The following GPR137 variants were observed in gnomAD, a reference collection of about 807,000 sequenced individuals.
GPR137 encodes the protein integral membrane protein GPR137.
A neutral mutation model predicts 38.9 loss-of-function variants in GPR137; 20 were observed. That is an observed-to-expected ratio of 0.51 (90% CI 0.36 to 0.75). GPR137 has a LOEUF of 0.75. Among genes scored for constraint, GPR137 ranks in the 30% least tolerant of loss-of-function variants. GPR137 has a pLI of 0.00. For missense variants in GPR137, 456 were observed against 526.4 expected (o/e 0.87, Z 1.31); for synonymous variants, 226 against 235.8 (o/e 0.96, Z 0.38).
At chr11:64,284,215 G>C (rs752030848), upstream of GPR137, 3 of 1,604,390 alleles carry the variant, frequency 1.9e-6, no homozygotes, top group South Asian at 2.2e-5. Flanking sequence ...GGCTGCTCCT[G>C]CTGGTGACTG....
At chr11:64,276,021 A>G (rs958686881) in intron 1 of GPR137, among the ~76,000 whole-genome samples, 7 of 152,050 alleles carry the variant, frequency 4.6e-5, no homozygotes, top group African/African-American at 7.2e-5. Flanking sequence ...AACCCAACCA[A>G]TGTGGCTTCA....
chr11:64,282,073 A>ATGCTTTTG (rs2033515488), upstream of GPR137, among the ~76,000 whole-genome samples: 1 of 152,056 alleles, frequency 6.6e-6, no homozygotes, highest in South Asian at 2.1e-4. Context: ...GCATGATAGG[A>ATGCTTTTG]TGCTTTTGTG....
chr11:64,284,644 T>C (rs1485063599), upstream of GPR137: 4 of 1,530,926 alleles, frequency 2.6e-6, no homozygotes, highest in South Asian at 3.6e-5. Context: ...AAGCCCGATC[T>C]CGAGGCCCCT....
At chr11:64,270,609 T>C (rs1401714033) in exon 1 of GPR137, 4 of 671,110 alleles carry the variant, frequency 6.0e-6, no homozygotes, top group Non-Finnish European at 1.1e-5. Flanking sequence ...GCTGGAGACC[T>C]AGCACCCAGA....
upstream of GPR137, chr11:64,284,630 C>A: frequency 6.5e-7 from 1 of 1,527,352 alleles, no homozygotes; most frequent in Non-Finnish European, 8.8e-7. Context: ...ACAGGTCTCA[C>A]CCCAAGCCCG....
upstream of GPR137, among the ~76,000 whole-genome samples, chr11:64,281,215 C>T (rs2033446881): frequency 7.9e-5 from 12 of 152,200 alleles, no homozygotes; most frequent in South Asian, 2.5e-3. Context: ...ATCTGCCCAC[C>T]TCGAACTACC....
rs183535218 is a variant in GPR137, at chr11:64,276,503, T to A, written c.-16+82T>A. 50 of 158,326 alleles carry A rather than the reference T, an allele frequency of 3.2e-4. 1 individual carries two copies. Among genetic ancestry groups the A allele is most frequent in the Admixed American group, 2.5e-3 (40 of 15,972 alleles). 9.8% of individuals were successfully genotyped at this position (158,326 alleles called of 1,614,324 possible). ...CACCATGCCCAGCTAATTTTTGTAT[T>A]TTTAGTAGAGACGGGGTTTCACCAT... On this transcript the variant is annotated intron_variant, in intron 2 of 2. Coordinates refer to the GPR137 transcript ENST00000538244.
chr11:64,281,217 C>T (rs545112206), upstream of GPR137, among the ~76,000 whole-genome samples: 28 of 152,320 alleles, frequency 1.8e-4, no homozygotes, highest in African/African-American at 4.3e-4. Context: ...CTGCCCACCT[C>T]GAACTACCAA....
chr11:64,284,822 T>C, upstream of GPR137: 1 of 1,519,196 alleles, frequency 6.6e-7, no homozygotes, highest in Non-Finnish European at 8.8e-7. Flanking sequence ...GATCCAAGGC[T>C]CCTCGTCCGC....
chr11:64,275,587 G>A (rs1342634095), upstream of GPR137: 5 of 152,154 alleles, frequency 3.3e-5, no homozygotes, highest in Non-Finnish European at 5.9e-5. Flanking sequence ...TCTCCCTGTT[G>A]TACAGATGAG....
At chr11:64,274,790 C>T (rs2032928066), upstream of GPR137, among the ~76,000 whole-genome samples, 1 of 151,706 alleles carries the variant, frequency 6.6e-6, no homozygotes, top group African/African-American at 2.4e-5. Flanking sequence ...CACTGCACTC[C>T]AGCCTGGGTG....
At chr11:64,285,278 C>G, upstream of GPR137, 1 of 985,936 alleles carries the variant, frequency 1.0e-6, no homozygotes, top group Middle Eastern at 5.2e-4. Flanking sequence ...GAACCTCCTC[C>G]CTGGCTGGGA....
rs144777699 is a variant in GPR137, at chr11:64,289,350, T to C, written c.*154T>C. On this transcript the variant is annotated 3_prime_UTR_variant, in exon 7 of 7. Coordinates refer to ENST00000438980, the MANE Select transcript of GPR137 (RefSeq NM_001170880.2). ...CTTGCTGCTCCTGTCATAGTGAGCTTGTGCCGTCCCCCTAGGATGGGGGGC... is the reference window on the plus strand; with the variant it reads ...CTTGCTGCTCCTGTCATAGTGAGCTCGTGCCGTCCCCCTAGGATGGGGGGC... 5 of 1,594,224 alleles carry C rather than the reference T, an allele frequency of 3.1e-6. No individual in the cohort carries two copies. The highest frequency in any genetic ancestry group is 4.3e-6 in the Non-Finnish European group (5 of 1,169,302).
rs2034264495 is a variant in GPR137 at position 64,287,716 on chromosome 11, T to C, written c.408-5T>C. 1.9e-6 allele frequency: 3 copies of C among 1,603,306 alleles called. No homozygotes were observed. The highest frequency in any genetic ancestry group is 2.5e-6 in the Non-Finnish European group (3 of 1,179,866). On this transcript the variant is annotated splice_region_variant and splice_polypyrimidine_tract_variant and intron_variant, in intron 2 of 6. Coordinates refer to ENST00000438980, the MANE Select transcript of GPR137 (RefSeq NM_001170880.2). ...GGGCCCGCGCTGACTGTGCTGTGGC[T>C]GCAGGCTCGCTGTCCGAGGGGCCTT...
upstream of GPR137, chr11:64,271,636 C>A: frequency 6.7e-7 from 1 of 1,501,972 alleles, no homozygotes; most frequent in Non-Finnish European, 8.9e-7. Context: ...ACAAACTCGT[C>A]ACTCATCCTC....
Position 64,289,250 on chromosome 11 carries a change from C to T in GPR137, c.*54C>T, listed in dbSNP as rs2034514905. 2 of 1,613,160 alleles carry T rather than the reference C, an allele frequency of 1.2e-6. No individual in the cohort carries two copies. The highest frequency in any genetic ancestry group is 8.5e-7 in the Non-Finnish European group (1 of 1,179,554). On this transcript the variant is annotated 3_prime_UTR_variant, in exon 7 of 7. Transcript: ENST00000438980. ...GGCCCCAGTCCCCCTCACCCTAGGC[C>T]CCTGTGCCAAGTTTGTCTGCCGCTT... is the stretch of plus-strand genomic sequence containing the variant.
upstream of GPR137, among the ~76,000 whole-genome samples, chr11:64,283,431 T>C (rs2033617455): frequency 6.6e-6 from 1 of 152,230 alleles, no homozygotes; most frequent in African/African-American, 2.4e-5. Flanking sequence ...TAGAGCCTAC[T>C]GAGAAATGGA....
upstream of GPR137, chr11:64,284,790 G>T (rs1337105732): frequency 6.5e-6 from 10 of 1,528,080 alleles, no homozygotes; most frequent in Non-Finnish European, 8.7e-6. Flanking sequence ...GGTCAACCCG[G>T]CCCGGCCCCG....
chr11:64,288,034 C>T lies in GPR137; in HGVS notation c.634-31C>T. 2.5e-6 allele frequency: 4 copies of T among 1,606,622 alleles called. No homozygotes were observed. The highest frequency in any genetic ancestry group is 3.4e-6 in the Non-Finnish European group (4 of 1,179,930). On this transcript the variant is annotated intron_variant, in intron 3 of 6. Coordinates refer to ENST00000438980, the MANE Select transcript of GPR137 (RefSeq NM_001170880.2). The surrounding 1 kb of genome is among the most constrained non-coding windows in gnomAD (Gnocchi z 5.5). Reference sequence around the variant, plus strand: ...TAGAGGAAGCTGGGAGCCTTCTCTCCCTGAGGGTCCTCTGTTGTTACCTGT... The same window carrying T: ...TAGAGGAAGCTGGGAGCCTTCTCTCTCTGAGGGTCCTCTGTTGTTACCTGT...
Sources: gnomAD v4.1 joint callset for allele counts (sites outside exome capture counted in the v4.1 genomes callset) on GRCh38, gnomAD v4.1.1 for gene constraint, Gnocchi (gnomAD v3.1) non-coding constraint, MANE v1.5 for transcripts, NCBI Gene and HGNC (gene_info 2026-07-23, HGNC 2026-07-21) for gene names.